The following PTPRG variants were observed in gnomAD, a reference collection of about 807,000 sequenced individuals.
PTPRG encodes protein tyrosine phosphatase receptor type G, also known as receptor-type tyrosine-protein phosphatase gamma.
In PTPRG, 102 loss-of-function variants were observed where a neutral mutation model predicts 165.3. The observed-to-expected ratio is 0.62, with a 90% confidence interval of 0.53 to 0.73. The LOEUF is 0.73. PTPRG is among the 30% of genes least tolerant of loss of function. The pLI, the probability that PTPRG is intolerant of heterozygous loss-of-function variation, is 0.00. For synonymous variants in PTPRG, 675 were observed against 669.5 expected (o/e 1.01, Z -0.13); for missense variants, 1,866 against 1,861.4 (o/e 1.00, Z -0.05).
intron 28 of PTPRG, among the ~76,000 whole-genome samples, chr3:62,287,198 G>C (rs1702697080): frequency 6.6e-6 from 1 of 152,064 alleles, no homozygotes. Context: ...AGATTCTTAA[G>C]TTTAACCATT....
chr3:62,189,835 A>C (rs762172038), intron 8 of PTPRG, among the ~76,000 whole-genome samples: 1 of 152,170 alleles, frequency 6.6e-6, no homozygotes, highest in African/African-American at 2.4e-5. Flanking sequence ...GAAAGGCCAG[A>C]GTTCAAATCT....
intron 1 of PTPRG, among the ~76,000 whole-genome samples, chr3:61,569,357 G>A (rs1196939463): frequency 1.3e-5 from 2 of 152,160 alleles, no homozygotes; most frequent in Non-Finnish European, 2.9e-5. Context: ...TCTGTGAAAT[G>A]GGGTGGTGAT....
intron 2 of PTPRG, among the ~76,000 whole-genome samples, chr3:61,933,462 CAG>C (rs751513550): frequency 8.5e-5 from 13 of 152,290 alleles, no homozygotes; most frequent in Non-Finnish European, 1.5e-4. Context: ...GTTCACAGCT[CAG>C]GGGGTAAAAT....
At chr3:62,071,351 T>C (rs1701204641) in intron 4 of PTPRG, among the ~76,000 whole-genome samples, 1 of 152,170 alleles carries the variant, frequency 6.6e-6, no homozygotes, top group Non-Finnish European at 1.5e-5. Flanking sequence ...GTTGGGATCA[T>C]TTCCTTTTGC....
intron 26 of PTPRG, 25 bp from the exon 27 acceptor site, chr3:62,281,538 C>CTGTTTTTTTTTTTTTTT: frequency 3.2e-6 from 2 of 620,522 alleles, no homozygotes; most frequent in Non-Finnish European, 4.2e-6. Context: ...ACTGCAGAGG[C>CTGTTTTTTTTTTTTTTT]TTTTTTTTTT....
chr3:62,086,296 A>G (rs1701751666), intron 5 of PTPRG, among the ~76,000 whole-genome samples: 1 of 140,112 alleles, frequency 7.1e-6, no homozygotes, highest in South Asian at 2.1e-4. Context: ...TTTTCTTTTC[A>G]TGGTTCTGAT....
chr3:62,269,064 G>A lies in PTPRG; in HGVS notation c.2904G>A (p.Glu968=). The A allele has an allele frequency of 6.2e-7, 1 of 1,602,340 alleles. No homozygotes were observed. Among genetic ancestry groups the A allele is most frequent in the African/African-American group, 1.3e-5 (1 of 74,860 alleles). ...AATGTGATCAGTATTGGCCAACAGA[G>A]AACAGTGAGGAATATGGAAACATTA... ...RRKCDQYWPT[E]NSEEYGNIIV... Residue 968 remains glutamate, a synonymous_variant, in exon 20 of 30, where the codon GAG becomes GAA. Coordinates refer to ENST00000474889, the MANE Select transcript of PTPRG (RefSeq NM_002841.4).
chr3:62,123,882 G>C (rs967756619), intron 5 of PTPRG, among the ~76,000 whole-genome samples: 2 of 152,088 alleles, frequency 1.3e-5, no homozygotes, highest in Non-Finnish European at 2.9e-5. Flanking sequence ...AAAAGGCAAA[G>C]TCTGCTTAGA....
intron 1 of PTPRG, among the ~76,000 whole-genome samples, chr3:61,671,138 C>CTTTTCTTTTTTT (rs1246896291): frequency 1.0e-4 from 13 of 124,996 alleles, no homozygotes; most frequent in African/African-American, 3.9e-4. Context: ...TATGAACTTT[C>CTTTTCTTTTTTT]TTTTTTTTTT....
intron 4 of PTPRG, among the ~76,000 whole-genome samples, chr3:62,037,516 G>T (rs533159162): frequency 1.3e-5 from 2 of 152,230 alleles, no homozygotes; most frequent in African/African-American, 4.8e-5. Context: ...ATATCCCTTG[G>T]GGGGGCAAAA....
At chr3:62,112,268 C>T (rs1442838074) in intron 5 of PTPRG, among the ~76,000 whole-genome samples, 1 of 152,110 alleles carries the variant, frequency 6.6e-6, no homozygotes, top group Non-Finnish European at 1.5e-5. Flanking sequence ...CCATGCGCAG[C>T]TAATTTTTGT....
chr3:62,260,213 A>G (rs904264600), intron 16 of PTPRG, among the ~76,000 whole-genome samples: 1 of 152,222 alleles, frequency 6.6e-6, no homozygotes, highest in African/African-American at 2.4e-5. Flanking sequence ...TCAGGCACTA[A>G]GAATGTTACC....
chr3:61,739,012 A>T (rs1575622342), intron 1 of PTPRG: 1 of 83,146 alleles, frequency 1.2e-5, no homozygotes, highest in Non-Finnish European at 2.1e-5. Context: ...TTTGGTAGAG[A>T]TGGGGTCTTG....
intron 4 of PTPRG, among the ~76,000 whole-genome samples, chr3:62,054,642 T>G (rs1237690657): frequency 6.6e-6 from 1 of 152,226 alleles, no homozygotes; most frequent in African/African-American, 2.4e-5. Flanking sequence ...CCTAATCATG[T>G]GTCTCTTTGG....
chr3:61,734,361 G>A (rs1377941448), intron 1 of PTPRG, among the ~76,000 whole-genome samples: 1 of 152,138 alleles, frequency 6.6e-6, no homozygotes, highest in Non-Finnish European at 1.5e-5. Context: ...AGAAAAACTG[G>A]AGGTTTCCAG....
intron 11 of PTPRG, among the ~76,000 whole-genome samples, chr3:62,202,189 G>A (rs2106835763): frequency 6.6e-6 from 1 of 152,270 alleles, no homozygotes; most frequent in South Asian, 2.1e-4. Context: ...GCTAAAATTA[G>A]ACTAATAGCT....
chr3:62,058,269 A>G (rs56413755), intron 4 of PTPRG, among the ~76,000 whole-genome samples: 15,044 of 152,254 alleles, frequency 0.099, 909 homozygotes, highest in Middle Eastern at 0.22. Flanking sequence ...ATAAGGGAGC[A>G]TAAGTTGCCT....
intron 1 of PTPRG, among the ~76,000 whole-genome samples, chr3:61,730,115 C>T (rs570833721): frequency 2.6e-5 from 4 of 152,320 alleles, no homozygotes; most frequent in East Asian, 1.9e-4. Context: ...GTGACCACCA[C>T]GGGGCATGTA....
At chr3:61,584,394 T>C (rs966979103) in intron 1 of PTPRG, among the ~76,000 whole-genome samples, 6 of 152,210 alleles carry the variant, frequency 3.9e-5, no homozygotes, top group African/African-American at 1.2e-4. Context: ...GTCAGCAGTG[T>C]CTGATTACCT....
Sources: gnomAD v4.1 joint callset for allele counts (sites outside exome capture counted in the v4.1 genomes callset) on GRCh38, gnomAD v4.1.1 for gene constraint, MANE v1.5 for transcripts, NCBI Gene and HGNC (gene_info 2026-07-23, HGNC 2026-07-21) for gene names.